The following SDK1 variants were observed in gnomAD, a reference collection of about 807,000 sequenced individuals.
SDK1 encodes protein sidekick-1.
In SDK1, 157 loss-of-function variants were observed where a neutral mutation model predicts 245.5. That is an observed-to-expected ratio of 0.64 (90% CI 0.56 to 0.73). The LOEUF is 0.73. Among genes scored for constraint, SDK1 ranks in the 30% least tolerant of loss-of-function variants. The pLI is 0.00. For missense variants in SDK1, 3,583 were observed against 3,002.3 expected (o/e 1.19, Z -4.52); for synonymous variants, 1,647 against 1,278.5 (o/e 1.29, Z -6.15).
At chr7:3,911,698 T>G (rs1779170396) in intron 5 of SDK1, among the ~76,000 whole-genome samples, 2 of 152,134 alleles carry the variant, frequency 1.3e-5, no homozygotes, top group South Asian at 4.2e-4. Context: ...GCCAGCCATC[T>G]CTTTACTGTA....
At chr7:4,076,778 A>C (rs1012888997) in intron 20 of SDK1, among the ~76,000 whole-genome samples, 1 of 152,026 alleles carries the variant, frequency 6.6e-6, no homozygotes, top group Non-Finnish European at 1.5e-5. Context: ...CTGTGGTGGG[A>C]CCGTCACTCC....
At chr7:4,103,466 C>T (rs539989382) in intron 22 of SDK1, among the ~76,000 whole-genome samples, 6 of 151,942 alleles carry the variant, frequency 3.9e-5, no homozygotes, top group East Asian at 1.9e-4. Context: ...CTGTCTCTCA[C>T]GAAAAAAGAG....
rs148776012 is a variant in SDK1, at chr7:4,203,676, G to T, written c.5099-2203G>T. 4.9e-3 allele frequency among the ~76,000 whole-genome samples: 742 copies of T among 152,282 alleles called. 10 individuals carry two copies. The highest frequency in any genetic ancestry group is 0.017 in the African/African-American group (714 of 41,558). Reference sequence around the variant, plus strand: ...TTACGGAGAAGGAGAGTTGCACCGGGGCTTGTCAATGGCAGAGCCTTCCTG... The same window carrying T: ...TTACGGAGAAGGAGAGTTGCACCGGTGCTTGTCAATGGCAGAGCCTTCCTG... On this transcript the variant is annotated intron_variant, in intron 35 of 44. Transcript: ENST00000404826.
chr7:4,051,018 T>C (rs980873278), intron 18 of SDK1, among the ~76,000 whole-genome samples: 18 of 141,940 alleles, frequency 1.3e-4, no homozygotes, highest in Non-Finnish European at 1.7e-4. Context: ...GTATACTATA[T>C]GTGTATATGT....
At chr7:3,607,339 A>G (rs553087917) in intron 1 of SDK1, among the ~76,000 whole-genome samples, 19 of 152,310 alleles carry the variant, frequency 1.2e-4, no homozygotes, top group Middle Eastern at 3.4e-3. Context: ...ATCAGTTCCT[A>G]TCTCTCAACC....
intron 20 of SDK1, among the ~76,000 whole-genome samples, chr7:4,074,230 T>A (rs1447493977): frequency 6.6e-6 from 1 of 151,806 alleles, no homozygotes; most frequent in Non-Finnish European, 1.5e-5. Flanking sequence ...TGGGGACAAC[T>A]GAGGGATTGG....
At chr7:4,173,168 C>T (rs80301620) in intron 32 of SDK1, among the ~76,000 whole-genome samples, 156 of 152,346 alleles carry the variant, frequency 1.0e-3, no homozygotes, top group African/African-American at 3.5e-3. Flanking sequence ...TTCGTGGCCT[C>T]GTCTTCAGCC....
chr7:3,576,522 C>G (rs1008719025), intron 1 of SDK1, among the ~76,000 whole-genome samples: 1 of 152,084 alleles, frequency 6.6e-6, no homozygotes, highest in Non-Finnish European at 1.5e-5. Context: ...TTTTGAGGAA[C>G]TGATCTAGTT....
chr7:3,480,419 C>T (rs868215747), intron 1 of SDK1, among the ~76,000 whole-genome samples: 42 of 119,196 alleles, frequency 3.5e-4, no homozygotes, highest in African/African-American at 1.2e-3. Flanking sequence ...CCTGCACATA[C>T]GCTCATGTAG....
At position 4,114,368 on chromosome 7, in the gene SDK1, T is replaced by C. The variant is rs543478487; in HGVS notation, c.3823+94T>C. 2.2e-5 allele frequency: 21 copies of C among 967,002 alleles called. 1 individual carries two copies. In the South Asian group the frequency reaches 2.7e-4, roughly 12 times the overall value. The allele number at this position is 967,002 out of a possible 1,614,324, so 59.9% of individuals were successfully genotyped here. On this transcript the variant is annotated intron_variant, in intron 25 of 44. Transcript: ENST00000404826. ...CAGATCCCAGGCTAGTGGCGTCTCATTGGCCTGTCCCACTTGTGTCTGTCT... is the reference window on the plus strand; with the variant it reads ...CAGATCCCAGGCTAGTGGCGTCTCACTGGCCTGTCCCACTTGTGTCTGTCT...
intron 4 of SDK1, among the ~76,000 whole-genome samples, chr7:3,728,379 T>C (rs1779077294): frequency 1.3e-5 from 2 of 152,240 alleles, no homozygotes; most frequent in East Asian, 3.8e-4. Flanking sequence ...TAATTTCAAA[T>C]AGCCCAGTTA....
chr7:4,028,203 C>T (rs994817022), intron 17 of SDK1, among the ~76,000 whole-genome samples: 3 of 152,118 alleles, frequency 2.0e-5, no homozygotes, highest in Non-Finnish European at 2.9e-5. Context: ...ATATGTGTTT[C>T]GACATGCCCT....
intron 1 of SDK1, among the ~76,000 whole-genome samples, chr7:3,594,735 A>C (rs373542904): frequency 1.8e-4 from 28 of 152,312 alleles, no homozygotes; most frequent in Admixed American, 4.6e-4. Context: ...ATTAGTCTAA[A>C]TATACTATTG....
intron 35 of SDK1, among the ~76,000 whole-genome samples, chr7:4,188,113 C>T (rs1782995443): frequency 6.6e-6 from 1 of 152,154 alleles, no homozygotes; most frequent in South Asian, 2.1e-4. Flanking sequence ...GCCTCTTCCG[C>T]AACATGTGAG....
intron 4 of SDK1, among the ~76,000 whole-genome samples, chr7:3,753,791 A>T (rs1779842516): frequency 6.6e-6 from 1 of 152,200 alleles, no homozygotes; most frequent in Admixed American, 6.5e-5. Context: ...ACAGCCAATA[A>T]TACATTTTAA....
chr7:3,739,947 C>T (rs1779430338), intron 4 of SDK1, among the ~76,000 whole-genome samples: 1 of 152,178 alleles, frequency 6.6e-6, no homozygotes, highest in Non-Finnish European at 1.5e-5. Flanking sequence ...GTTAAGTGAC[C>T]TTCTTAAGAT....
chr7:4,087,604 C>T (rs568862808), intron 22 of SDK1, among the ~76,000 whole-genome samples: 1 of 152,300 alleles, frequency 6.6e-6, no homozygotes, highest in East Asian at 1.9e-4. Context: ...TTGTTTAAAT[C>T]TACTTTTCTC....
intron 1 of SDK1, among the ~76,000 whole-genome samples, chr7:3,602,856 AG>A (rs960073494): frequency 6.6e-6 from 1 of 152,000 alleles, no homozygotes; most frequent in Non-Finnish European, 1.5e-5. Flanking sequence ...TTTTTGTATA[AG>A]GTGTAAGGAA....
intron 35 of SDK1, among the ~76,000 whole-genome samples, chr7:4,203,803 C>G (rs1296291956): frequency 6.6e-6 from 1 of 152,258 alleles, no homozygotes; most frequent in Non-Finnish European, 1.5e-5. Context: ...ATATATTTCT[C>G]TCTTCCCTGC....
Sources: allele counts gnomAD v4.1 joint callset (sites outside exome capture counted in the v4.1 genomes callset), GRCh38; gene constraint gnomAD v4.1.1; transcripts MANE v1.5; gene names NCBI Gene and HGNC (gene_info 2026-07-23, HGNC 2026-07-21).